The following WWOX variants were observed in gnomAD, a reference collection of about 807,000 sequenced individuals.
WWOX encodes WW domain-containing oxidoreductase.
In WWOX, 69 loss-of-function variants were observed where a neutral mutation model predicts 46.2. That is an observed-to-expected ratio of 1.49 (90% CI 1.23 to 1.82). The LOEUF (loss-of-function observed/expected upper bound fraction) is 1.82, where lower values mean the gene tolerates loss of function less well. Ranked by LOEUF, WWOX falls within the 40% of genes most tolerant of loss-of-function variation. The pLI, the probability that WWOX is intolerant of heterozygous loss-of-function variation, is 0.00. For missense variants in WWOX, 919 were observed against 542.6 expected (o/e 1.69, Z -6.89); for synonymous variants, 359 against 202.6 (o/e 1.77, Z -6.56).
chr16:79,077,066 T>G (rs2048671152), intron 8 of WWOX, among the ~76,000 whole-genome samples: 1 of 152,132 alleles, frequency 6.6e-6, no homozygotes, highest in African/African-American at 2.4e-5. Context: ...CACGTAATAA[T>G]TTGTCCAGGT....
chr16:78,419,748 G>A (rs950434109), intron 6 of WWOX, among the ~76,000 whole-genome samples: 10 of 150,668 alleles, frequency 6.6e-5, no homozygotes, highest in Admixed American at 1.3e-4. Context: ...ATGATTTCTT[G>A]GATACAACCC....
chr16:78,210,828 AAT>A (rs1318253893), intron 5 of WWOX, among the ~76,000 whole-genome samples: 1 of 152,176 alleles, frequency 6.6e-6, no homozygotes, highest in Non-Finnish European at 1.5e-5. Flanking sequence ...TCTGTGGTTT[AAT>A]ATGTTATCTA....
chr16:78,450,671 T>C (rs2083670324), intron 8 of WWOX, among the ~76,000 whole-genome samples: 1 of 152,180 alleles, frequency 6.6e-6, no homozygotes, highest in African/African-American at 2.4e-5. Context: ...TAAGTCTGTT[T>C]TTTGATCTTA....
At chr16:78,780,152 G>A (rs1168413199) in intron 8 of WWOX, among the ~76,000 whole-genome samples, 3 of 152,062 alleles carry the variant, frequency 2.0e-5, no homozygotes, top group African/African-American at 7.2e-5. Flanking sequence ...TAATGCTATG[G>A]TCACCTGCAT....
chr16:78,724,686 G>T (rs553679793), intron 8 of WWOX, among the ~76,000 whole-genome samples: 4 of 152,048 alleles, frequency 2.6e-5, no homozygotes, highest in African/African-American at 9.7e-5. Flanking sequence ...AAATCAGCTC[G>T]TCACCCTTGA....
intron 5 of WWOX, among the ~76,000 whole-genome samples, chr16:78,291,428 G>A (rs1003479796): frequency 3.3e-5 from 5 of 152,204 alleles, no homozygotes; most frequent in Admixed American, 1.3e-4. Flanking sequence ...ACGTTTGCCC[G>A]CGAAGGCCAC....
rs1466369716 is a variant in WWOX at position 78,717,674 on chromosome 16, A to G, written c.1056+284922A>G. ...GGAATGAAAGAGGGGTTTTCCAAGA[A>G]GAGGCACTGAAGGGCAAGACTTCAT... On this transcript the variant is annotated intron_variant, in intron 8 of 8. Coordinates refer to ENST00000566780, the MANE Select transcript of WWOX (RefSeq NM_016373.4). Among the ~76,000 whole-genome samples the G allele has an allele frequency of 5.3e-5, 8 of 152,332 alleles. No individual in the cohort carries two copies. In the East Asian group the frequency reaches 1.2e-3, roughly 22 times the overall value.
intron 8 of WWOX, among the ~76,000 whole-genome samples, chr16:78,626,690 G>A (rs1244671202): frequency 1.3e-5 from 2 of 152,072 alleles, no homozygotes; most frequent in South Asian, 2.1e-4. Context: ...CCCAGCTCAT[G>A]CTTGTGGAGT....
At chr16:79,024,208 T>G (rs952336200) in intron 8 of WWOX, among the ~76,000 whole-genome samples, 27 of 152,170 alleles carry the variant, frequency 1.8e-4, no homozygotes, top group Non-Finnish European at 7.4e-5. Context: ...GTAAATATAC[T>G]AAAAACCACT....
chr16:78,294,217 G>C (rs1412178181), intron 5 of WWOX, among the ~76,000 whole-genome samples: 1 of 152,008 alleles, frequency 6.6e-6, no homozygotes, highest in Non-Finnish European at 1.5e-5. Context: ...CCTTCCACGA[G>C]TTCCTAACCA....
intron 8 of WWOX, among the ~76,000 whole-genome samples, chr16:79,049,487 G>C (rs1010467748): frequency 1.3e-5 from 2 of 152,146 alleles, no homozygotes; most frequent in African/African-American, 2.4e-5. Context: ...ACACTCCACA[G>C]AGAATGATCA....
chr16:78,125,160 A>C (rs1218008156), intron 4 of WWOX, among the ~76,000 whole-genome samples: 4 of 152,170 alleles, frequency 2.6e-5, no homozygotes, highest in Non-Finnish European at 5.9e-5. Flanking sequence ...TAGCCGTTTA[A>C]AATTTATGAA....
chr16:79,000,039 G>A (rs556348031), intron 8 of WWOX, among the ~76,000 whole-genome samples: 1 of 152,120 alleles, frequency 6.6e-6, no homozygotes. Flanking sequence ...TTCCCCAGCT[G>A]AAATAGCGAA....
chr16:79,108,920 G>C (rs927063313), intron 8 of WWOX, among the ~76,000 whole-genome samples: 1 of 144,620 alleles, frequency 6.9e-6, no homozygotes, highest in Non-Finnish European at 1.5e-5. Flanking sequence ...AAAAAAAAAA[G>C]TTTTTTTTTT....
intron 8 of WWOX, among the ~76,000 whole-genome samples, chr16:78,880,103 C>A (rs9923225): frequency 0.38 from 57,948 of 151,946 alleles, 14,560 homozygotes; most frequent in African/African-American, 0.72. Flanking sequence ...CAAACACTTA[C>A]ATTTGTGAAT....
intron 8 of WWOX, among the ~76,000 whole-genome samples, chr16:78,716,260 C>T (rs961872174): frequency 6.6e-6 from 1 of 152,094 alleles, no homozygotes; most frequent in Non-Finnish European, 1.5e-5. Context: ...GGGGGAATGT[C>T]TGGGACTGCC....
chr16:78,328,913 G>GT (rs2080695985), intron 5 of WWOX, among the ~76,000 whole-genome samples: 1 of 151,840 alleles, frequency 6.6e-6, no homozygotes, highest in Non-Finnish European at 1.5e-5. Context: ...CCAGGCTGGA[G>GT]TGCAGTGGTG....
chr16:78,786,151 C>G (rs1380205016), intron 8 of WWOX, among the ~76,000 whole-genome samples: 3 of 152,174 alleles, frequency 2.0e-5, no homozygotes, highest in African/African-American at 7.2e-5. Context: ...CTCCGGTGAT[C>G]TGCCTGTCTC....
At chr16:78,743,448 A>G (rs1034421448) in intron 8 of WWOX, among the ~76,000 whole-genome samples, 1 of 151,134 alleles carries the variant, frequency 6.6e-6, no homozygotes, top group Non-Finnish European at 1.5e-5. Context: ...ACCCTCAAGA[A>G]GCATCATTTA....
Sources: allele counts gnomAD v4.1 joint callset (sites outside exome capture counted in the v4.1 genomes callset), GRCh38; gene constraint gnomAD v4.1.1; transcripts MANE v1.5; gene names NCBI Gene and HGNC (gene_info 2026-07-23, HGNC 2026-07-21).